Variants in SH3BP5L observed in about 807,000 individuals in gnomAD.
The protein encoded by SH3BP5L is SH3 domain-binding protein 5-like.
SH3BP5L carries 16 observed loss-of-function variants against 40.9 expected under a neutral mutation model. The ratio of observed to expected loss-of-function variants is 0.39; its 90% CI spans 0.27 to 0.59. The LOEUF (loss-of-function observed/expected upper bound fraction) is 0.59. Among genes scored for constraint, SH3BP5L ranks in the 20% least tolerant of loss-of-function variants. The pLI is 0.53. For missense variants in SH3BP5L, 471 were observed against 544.6 expected, an observed-to-expected ratio of 0.86 and a Z score of 1.35; for synonymous variants, 229 against 226.7, an observed-to-expected ratio of 1.01 and a Z score of -0.09.
At chr1:248,819,877 C>T (rs916856767) in intron 2 of SH3BP5L, among the ~76,000 whole-genome samples, 49 of 151,936 alleles carry the variant, frequency 3.2e-4, no homozygotes, top group African/African-American at 3.4e-4. Flanking sequence ...TCAACAGAAA[C>T]GTAACAGGAG....
chr1:248,819,523 G>A (rs558868273), intron 2 of SH3BP5L, among the ~76,000 whole-genome samples: 33 of 151,722 alleles, frequency 2.2e-4, no homozygotes, highest in Non-Finnish European at 4.7e-4. Flanking sequence ...GCAACATGAT[G>A]CAAAGCCCAT....
rs373033623 is a variant in SH3BP5L, at chr1:248,812,315, C to A, written c.767G>T (p.Arg256Leu). The A allele has an allele frequency of 2.5e-6, 4 of 1,610,400 alleles. No individual in the cohort carries two copies. The East Asian group carries it at 6.7e-5, about 27-fold the overall frequency. The change falls in exon 7 of 7, where the codon CGC (arginine) becomes CTC (leucine). Residue 256 changes from arginine (R) to leucine (L), a missense_variant. This residue lies in a region of SH3BP5L where 275 missense variants were observed against 370.1 expected (regional missense o/e 0.74). Transcript: ENST00000366472. This position sits in a 1 kb window ranked among gnomAD's most constrained non-coding sequence, Gnocchi z 6.1. Reference protein sequence around the residue: ...LEQQVAQAKTRYSVALRNLEQ... With the variant: ...LEQQVAQAKTLYSVALRNLEQ... Reference sequence around the variant, plus strand: ...CAGGTTACGAAGGGCCACGGAGTAGCGCGTCTTGGCCTGAGCTACCTGCTG... The same window carrying A: ...CAGGTTACGAAGGGCCACGGAGTAGAGCGTCTTGGCCTGAGCTACCTGCTG...
At position 248,811,885 on chromosome 1, in the gene SH3BP5L, A is replaced by ACC; in HGVS notation, c.*13_*14dup. ...CCGTGGTGGCAGATTCAAGCCAGGA[A>ACC]CCCTGGCCCCTCGGCTACAGGCTGA... On this transcript the variant is annotated 3_prime_UTR_variant, in exon 7 of 7. Coordinates refer to ENST00000366472, the MANE Select transcript of SH3BP5L (RefSeq NM_030645.3). 2 of 1,494,378 alleles carry ACC rather than the reference A, an allele frequency of 1.3e-6. No individual in the cohort carries two copies. The highest frequency in any genetic ancestry group is 4.3e-5 in the Admixed American group (2 of 46,852). The allele number at this position is 1,494,378 out of a possible 1,614,324, so 92.6% of individuals were successfully genotyped here. A position where few individuals can be genotyped will look rare whatever the true frequency, so the allele number is the denominator to read the frequency against.
intron 3 of SH3BP5L, 76 bp from the exon 4 acceptor site, chr1:248,816,738 A>T (rs75186262): frequency 6.2e-7 from 1 of 1,610,638 alleles, no homozygotes; most frequent in African/African-American, 1.3e-5. Flanking sequence ...CACCCCTCCC[A>T]CCGCCACTGC....
intron 2 of SH3BP5L, among the ~76,000 whole-genome samples, chr1:248,817,840 G>A (rs747558641): frequency 1.3e-5 from 2 of 152,092 alleles, no homozygotes; most frequent in East Asian, 1.9e-4. Context: ...GCAACATAGC[G>A]AGACTCTGTC....
rs756633294 is a variant in SH3BP5L, at chr1:248,813,151, C to T, written c.549G>A (p.Ala183=). 10 of 1,590,222 alleles carry T rather than the reference C, an allele frequency of 6.3e-6. No homozygotes were observed. In the Admixed American group the frequency reaches 6.9e-5, roughly 11 times the overall value. Residue 183 remains alanine, a synonymous_variant, in exon 6 of 7, where the codon GCG becomes GCA. Transcript: ENST00000366472. ...GCTCACCTCGAAGCCGCTCTTCCTC[C>T]GCCTCATTCACCTGGCCCAGAGGAC... ...LNHATCKVNE[A]EEERLRGERE...
intron 5 of SH3BP5L, chr1:248,813,853 T>G (rs1017659495): frequency 2.5e-5 from 4 of 162,382 alleles, no homozygotes; most frequent in African/African-American, 9.6e-5. Flanking sequence ...CCGTGCTGTG[T>G]GCTCTCATTT....
chr1:248,816,252 C>A lies in SH3BP5L; in HGVS notation c.375+282G>T, dbSNP rs2103014751. ...TGTTAGAACTGACATATCTGATATA[C>A]CCTAAAGCCTGATTCCTGATACACA... On this transcript the variant is annotated intron_variant, in intron 4 of 6. Coordinates refer to ENST00000366472, the MANE Select transcript of SH3BP5L (RefSeq NM_030645.3). 3 of 401,154 alleles carry A rather than the reference C, an allele frequency of 7.5e-6. 1 individual carries two copies. In the South Asian group the frequency reaches 8.1e-5, roughly 11 times the overall value. The allele number at this position is 401,154 out of a possible 1,614,324, so 24.8% of individuals were successfully genotyped here. A position where few individuals can be genotyped will look rare whatever the true frequency, so the allele number is the denominator to read the frequency against.
At position 248,814,521 on chromosome 1, in the gene SH3BP5L, C is replaced by T; in HGVS notation, c.465G>A (p.Glu155=). 2 of 1,614,224 alleles carry T rather than the reference C, an allele frequency of 1.2e-6. No homozygotes were observed. The highest frequency in any genetic ancestry group is 1.7e-6 in the Non-Finnish European group (2 of 1,180,048). Residue 155 remains glutamate, a synonymous_variant, in exon 5 of 7, where the codon GAG becomes GAA. Transcript: ENST00000366472. ...NAAREMVFVA[E]QGVMADKNRL... Reference sequence around the variant, plus strand: ...GGTTCTTGTCAGCCATGACGCCCTGCTCAGCCACAAACACCATTTCTCGAG... The same window carrying T: ...GGTTCTTGTCAGCCATGACGCCCTGTTCAGCCACAAACACCATTTCTCGAG...
Position 248,811,473 on chromosome 1 carries a change from GTCCA to G in SH3BP5L, c.*423_*426del, listed in dbSNP as rs1195755113. 6.0e-6 allele frequency: 1 copy of G among 167,404 alleles called. No individual in the cohort carries two copies. The highest frequency in any genetic ancestry group is 1.3e-5 in the Non-Finnish European group (1 of 78,638). The allele number at this position is 167,404 out of a possible 1,614,324, so 10.4% of individuals were successfully genotyped here. A position where few individuals can be genotyped will look rare whatever the true frequency, so the allele number is the denominator to read the frequency against. On this transcript the variant is annotated 3_prime_UTR_variant, in exon 7 of 7. Transcript: ENST00000366472. ...CTGGAAACCAACGGGAGGGGTGACT[GTCCA>G]TCCCCTCCGACGGGAGTACTCAGGC...
At chr1:248,813,310 G>C in intron 5 of SH3BP5L, 148 bp from the exon 6 acceptor site, 2 of 748,636 alleles carry the variant, frequency 2.7e-6, no homozygotes, top group Non-Finnish European at 3.9e-6. Context: ...CCCGAGACAC[G>C]CAGGGGAACA....
In SH3BP5L at chr1:248,811,739, G is replaced by C. The variant is rs995997972; in HGVS notation, c.*161C>G. ...GAAGGGGGAGGCTGTGAGAACGCCA[G>C]GGCAGGCACAGAGGACTCGAACACA... is the stretch of plus-strand genomic sequence containing the variant. On this transcript the variant is annotated 3_prime_UTR_variant, in exon 7 of 7. Transcript: ENST00000366472. 1.3e-5 allele frequency: 8 copies of C among 597,448 alleles called. No individual in the cohort carries two copies. Among genetic ancestry groups the C allele is most frequent in the Non-Finnish European group, 2.3e-5 (8 of 345,932 alleles). The allele number at this position is 597,448 out of a possible 1,614,324, so 37.0% of individuals were successfully genotyped here.
rs1664255159 is a variant in SH3BP5L at position 248,821,531 on chromosome 1, G to C, written c.183+3222C>G. Among the ~76,000 whole-genome samples, 1 of 152,132 alleles carries C rather than the reference G, an allele frequency of 6.6e-6. No individual in the cohort carries two copies. Among genetic ancestry groups the C allele is most frequent in the African/African-American group, 2.4e-5 (1 of 41,416 alleles). On this transcript the variant is annotated intron_variant, in intron 2 of 6. Coordinates refer to ENST00000366472, the MANE Select transcript of SH3BP5L (RefSeq NM_030645.3). This position sits in a 1 kb window ranked among gnomAD's most constrained non-coding sequence, Gnocchi z 4.6. Reference sequence around the variant, plus strand: ...ACCCATACTTCTAGATGAGGTCACAGAGGTTGCAAAGTCACCCTAGAGAGT... The same window carrying C: ...ACCCATACTTCTAGATGAGGTCACACAGGTTGCAAAGTCACCCTAGAGAGT...
At chr1:248,817,324 C>T (rs1664135403) in intron 2 of SH3BP5L, among the ~76,000 whole-genome samples, 1 of 152,242 alleles carries the variant, frequency 6.6e-6, no homozygotes, top group African/African-American at 2.4e-5. Flanking sequence ...CACATGTTTA[C>T]TGCACACTTA....
At chr1:248,825,447 C>T in intron 1 of SH3BP5L, 81 bp from the exon 2 acceptor site, 1 of 948,820 alleles carries the variant, frequency 1.1e-6, no homozygotes, top group Non-Finnish European at 1.3e-6. Context: ...TCTACAGCCT[C>T]CCAAAAACTA....
intron 1 of SH3BP5L, 55 bp from the exon 2 acceptor site, chr1:248,825,421 A>G: frequency 1.0e-6 from 1 of 987,478 alleles, no homozygotes; most frequent in Non-Finnish European, 1.2e-6. Context: ...AACCGCAGCC[A>G]CCAGCCCCTT....
At chr1:248,822,952 C>A (rs1254799934) in intron 2 of SH3BP5L, among the ~76,000 whole-genome samples, 3 of 152,168 alleles carry the variant, frequency 2.0e-5, no homozygotes, top group Non-Finnish European at 4.4e-5. Context: ...GTGTGAGCCA[C>A]CATGCCTGGC....
At chr1:248,816,982 T>C in intron 2 of SH3BP5L, 98 bp from the exon 3 acceptor site, 1 of 1,598,118 alleles carries the variant, frequency 6.3e-7, no homozygotes, top group Non-Finnish European at 8.5e-7. Context: ...GAGCCCCACT[T>C]GCCCAGGGAA....
chr1:248,815,468 T>C (rs1361891316), intron 4 of SH3BP5L, among the ~76,000 whole-genome samples: 1 of 152,226 alleles, frequency 6.6e-6, no homozygotes, highest in African/African-American at 2.4e-5. Context: ...GTATTAATCA[T>C]ATTTTTATTT....
Sources: gnomAD v4.1 joint callset for allele counts (sites outside exome capture counted in the v4.1 genomes callset) on GRCh38, gnomAD v4.1.1 for gene constraint, gnomAD v4.1.1 regional missense constraint, Gnocchi (gnomAD v3.1) non-coding constraint, MANE v1.5 for transcripts, NCBI Gene and HGNC (gene_info 2026-07-23, HGNC 2026-07-21) for gene names.